Variants in MNAT1 observed in about 807,000 individuals in gnomAD.
MNAT1 encodes the protein MNAT1 component of CDK activating kinase.
MNAT1 carries 43 observed loss-of-function variants against 42.0 expected under a neutral mutation model. That is an observed-to-expected ratio of 1.02 (90% CI 0.80 to 1.32). MNAT1 has a LOEUF of 1.32. Among genes scored for constraint, MNAT1 ranks in the 40% most tolerant of loss-of-function variants. The pLI is 0.00. For missense variants in MNAT1, 306 were observed against 350.4 expected (o/e 0.87, Z 1.01); for synonymous variants, 118 against 120.0 (o/e 0.98, Z 0.11).
At chr14:60,877,860 A>C (rs1372221594) in intron 6 of MNAT1, among the ~76,000 whole-genome samples, 1 of 152,060 alleles carries the variant, frequency 6.6e-6, no homozygotes, top group Non-Finnish European at 1.5e-5. Context: ...TTCTCAGAAA[A>C]ATAGAGTGGA....
At chr14:60,764,871 A>G (rs1472084118) in intron 1 of MNAT1, among the ~76,000 whole-genome samples, 1 of 152,184 alleles carries the variant, frequency 6.6e-6, no homozygotes, top group African/African-American at 2.4e-5. Flanking sequence ...AAGGAAATAT[A>G]AAGGATTGGA....
chr14:60,750,063 A>G (rs2030005654), intron 1 of MNAT1, among the ~76,000 whole-genome samples: 2 of 152,086 alleles, frequency 1.3e-5, no homozygotes, highest in African/African-American at 2.4e-5. Flanking sequence ...CGAGGTGGGG[A>G]CCAGTATTTT....
intron 7 of MNAT1, among the ~76,000 whole-genome samples, chr14:60,909,557 C>T (rs192679870): frequency 7.3e-4 from 111 of 152,176 alleles, no homozygotes; most frequent in African/African-American, 2.5e-3. Context: ...GCCAGTTTTC[C>T]CAGCACCATT....
chr14:60,767,923 C>G (rs141726411), intron 1 of MNAT1, among the ~76,000 whole-genome samples: 17 of 152,308 alleles, frequency 1.1e-4, no homozygotes, highest in Non-Finnish European at 4.4e-5. Context: ...GCCACCACAC[C>G]CAGCTAATTT....
At chr14:60,775,189 A>G (rs1043857913) in intron 1 of MNAT1, among the ~76,000 whole-genome samples, 2 of 152,184 alleles carry the variant, frequency 1.3e-5, no homozygotes, top group Non-Finnish European at 2.9e-5. Context: ...GAGGTCACAG[A>G]AGTCTAGAGA....
chr14:60,908,587 C>G (rs1202797786), intron 7 of MNAT1, among the ~76,000 whole-genome samples: 1 of 151,706 alleles, frequency 6.6e-6, no homozygotes, highest in Non-Finnish European at 1.5e-5. Context: ...GTTTTTTGTC[C>G]TTGCGATAGT....
At chr14:60,909,251 A>C (rs1248431059) in intron 7 of MNAT1, among the ~76,000 whole-genome samples, 1 of 151,952 alleles carries the variant, frequency 6.6e-6, no homozygotes, top group African/African-American at 2.4e-5. Context: ...AGGTTGCAAA[A>C]ATTTTCTCCC....
chr14:60,904,226 T>C (rs1051943400), intron 7 of MNAT1, among the ~76,000 whole-genome samples: 1 of 152,180 alleles, frequency 6.6e-6, no homozygotes, highest in African/African-American at 2.4e-5. Context: ...AATCAAAGAA[T>C]GTGGAAAAAT....
intron 7 of MNAT1, among the ~76,000 whole-genome samples, chr14:60,956,828 T>G (rs755325106): frequency 6.6e-5 from 10 of 152,214 alleles, no homozygotes; most frequent in Non-Finnish European, 1.2e-4. Flanking sequence ...CTGTTCTTTT[T>G]GGTTTCCATT....
intron 7 of MNAT1, among the ~76,000 whole-genome samples, chr14:60,926,290 A>G (rs996444378): frequency 6.6e-6 from 1 of 152,214 alleles, no homozygotes; most frequent in African/African-American, 2.4e-5. Context: ...TCTCCAGTCC[A>G]GTAGACACCA....
At chr14:60,807,576 T>A (rs1226715527) in intron 3 of MNAT1, among the ~76,000 whole-genome samples, 2 of 152,198 alleles carry the variant, frequency 1.3e-5, no homozygotes, top group African/African-American at 4.8e-5. Flanking sequence ...GGTCTTTTTT[T>A]AATTGTTCAG....
intron 7 of MNAT1, among the ~76,000 whole-genome samples, chr14:60,899,856 G>A (rs1313644967): frequency 1.3e-5 from 2 of 152,074 alleles, no homozygotes; most frequent in Admixed American, 6.6e-5. Flanking sequence ...CCTCATGTCT[G>A]TTTTTCACAT....
intron 6 of MNAT1, among the ~76,000 whole-genome samples, chr14:60,827,208 T>G (rs2033080378): frequency 6.6e-6 from 1 of 152,172 alleles, no homozygotes; most frequent in Non-Finnish European, 1.5e-5. Flanking sequence ...GTACTTTTGA[T>G]AGTCTGTGGT....
chr14:60,877,010 T>C (rs770567718), intron 6 of MNAT1, among the ~76,000 whole-genome samples: 2 of 152,072 alleles, frequency 1.3e-5, no homozygotes, highest in Non-Finnish European at 1.5e-5. Context: ...GGACGTGCCA[T>C]ACCGTTTTCC....
intron 6 of MNAT1, among the ~76,000 whole-genome samples, chr14:60,828,650 T>C (rs572623881): frequency 4.2e-4 from 64 of 152,174 alleles, no homozygotes; most frequent in African/African-American, 1.5e-3. Context: ...CCGGAATTAG[T>C]GCAAACCCCA....
intron 1 of MNAT1, among the ~76,000 whole-genome samples, chr14:60,767,229 T>A (rs1156353491): frequency 6.6e-6 from 1 of 152,236 alleles, no homozygotes; most frequent in East Asian, 1.9e-4. Context: ...TGGTAATATG[T>A]ACAAGAAACC....
chr14:60,947,449 G>A (rs150358654), intron 7 of MNAT1, among the ~76,000 whole-genome samples: 48 of 152,226 alleles, frequency 3.2e-4, no homozygotes, highest in African/African-American at 7.5e-4. Context: ...TTGGGAGGCC[G>A]AGGCGGGTGG....
chr14:60,901,051 C>T (rs1163058153), intron 7 of MNAT1, among the ~76,000 whole-genome samples: 1 of 147,504 alleles, frequency 6.8e-6, no homozygotes, highest in East Asian at 2.0e-4. Flanking sequence ...AAAGTCAATG[C>T]CTGTTTCCAG....
chr14:60,871,152 T>C (rs917453666), intron 6 of MNAT1, among the ~76,000 whole-genome samples: 1 of 152,212 alleles, frequency 6.6e-6, no homozygotes, highest in Admixed American at 6.5e-5. Flanking sequence ...ATTCATACTA[T>C]ATGAATGTAC....
Sources: allele counts gnomAD v4.1 joint callset (sites outside exome capture counted in the v4.1 genomes callset), GRCh38; gene constraint gnomAD v4.1.1; transcripts MANE v1.5; gene names NCBI Gene and HGNC (gene_info 2026-07-23, HGNC 2026-07-21).